The following FEZ1 variants were observed in gnomAD, a reference collection of about 807,000 sequenced individuals.
The protein encoded by FEZ1 is fasciculation and elongation protein zeta-1.
A neutral mutation model predicts 49.3 loss-of-function variants in FEZ1; 20 were observed. That is an observed-to-expected ratio of 0.41 (90% CI 0.29 to 0.59). The LOEUF (loss-of-function observed/expected upper bound fraction) is 0.59. Among genes scored for constraint, FEZ1 ranks in the 20% least tolerant of loss-of-function variants. The probability of loss-of-function intolerance (pLI) is 0.36; values close to 1 mark genes in which losing one functional copy is unlikely to be tolerated. For synonymous variants in FEZ1, 170 were observed against 180.9 expected (o/e 0.94, Z 0.48); for missense variants, 413 against 476.0 (o/e 0.87, Z 1.23).
At chr11:125,475,129 G>A (rs1445097956) in intron 3 of FEZ1, among the ~76,000 whole-genome samples, 1 of 151,928 alleles carries the variant, frequency 6.6e-6, no homozygotes, top group Non-Finnish European at 1.5e-5. Flanking sequence ...AATTAGCTGG[G>A]TGTGGAGGTG....
chr11:125,462,516 G>A (rs1957085783), intron 4 of FEZ1, among the ~76,000 whole-genome samples: 1 of 152,170 alleles, frequency 6.6e-6, no homozygotes, highest in South Asian at 2.1e-4. Flanking sequence ...CCTTGTTTGA[G>A]TGTCTTGACT....
In FEZ1 at chr11:125,495,934, G is replaced by A. The variant is rs902722766; in HGVS notation, c.-46+187C>T. 3 of 252,312 alleles carry A rather than the reference G, an allele frequency of 1.2e-5. No individual in the cohort carries two copies. The Admixed American group carries it at 1.7e-4, about 14-fold the overall frequency. 15.6% of individuals were successfully genotyped at this position (252,312 alleles called of 1,614,324 possible). ...CGGCGTCCCAGCTGCGCTCCCTGAA[G>A]GGCTGGGCAGGAAGGCGACGGCCTC... On this transcript the variant is annotated intron_variant, in intron 1 of 9. Coordinates refer to ENST00000278919, the MANE Select transcript of FEZ1 (RefSeq NM_005103.5). This position sits in a 1 kb window ranked among gnomAD's most constrained non-coding sequence, Gnocchi z 4.2.
chr11:125,479,975 T>C (rs748380820), intron 3 of FEZ1, among the ~76,000 whole-genome samples: 31 of 152,096 alleles, frequency 2.0e-4, no homozygotes, highest in Admixed American at 7.2e-4. Context: ...AAAATAAATA[T>C]CATCTTTATT....
In FEZ1 at chr11:125,466,487, TA is replaced by T. The variant is rs761663543; in HGVS notation, c.412-2918del. The stretch of plus-strand genomic sequence containing the variant: ...CTGGATGACAAAGTGAGATCCTGTC[TA>T]AAAAAAAAAACACCTTGCTAGCTGT... On this transcript the variant is annotated intron_variant, in intron 3 of 9. Transcript: ENST00000278919. Among the ~76,000 whole-genome samples, 176 of 144,026 alleles carry T rather than the reference TA, an allele frequency of 1.2e-3. 1 individual carries two copies. The highest frequency in any genetic ancestry group is 1.5e-3 in the Non-Finnish European group (101 of 65,340). The allele number at this position is 144,026 out of a possible 152,430, so 94.5% of individuals were successfully genotyped here. A position where few individuals can be genotyped will look rare whatever the true frequency, so the allele number is the denominator to read the frequency against.
intron 3 of FEZ1, among the ~76,000 whole-genome samples, chr11:125,480,811 G>C (rs1325176153): frequency 6.6e-6 from 1 of 152,108 alleles, no homozygotes; most frequent in African/African-American, 2.4e-5. Context: ...AGGCCAAGGC[G>C]GGCGGATCAC....
At chr11:125,488,541 A>G (rs1245721846) in intron 2 of FEZ1, 5 of 163,666 alleles carry the variant, frequency 3.1e-5, no homozygotes, top group Non-Finnish European at 5.1e-5. Flanking sequence ...TTAGTCGGGC[A>G]TGGTGGCGCA....
intron 3 of FEZ1, among the ~76,000 whole-genome samples, chr11:125,475,494 T>C (rs1407179235): frequency 6.6e-6 from 1 of 152,116 alleles, no homozygotes; most frequent in Non-Finnish European, 1.5e-5. Flanking sequence ...GGCAACAGTT[T>C]GGTAGTTCCT....
chr11:125,482,993 A>C (rs897166651), intron 2 of FEZ1, among the ~76,000 whole-genome samples: 2 of 149,892 alleles, frequency 1.3e-5, no homozygotes, highest in Non-Finnish European at 3.0e-5. Flanking sequence ...AAAAAAAAAA[A>C]AAAAAAAAAA....
intron 2 of FEZ1, among the ~76,000 whole-genome samples, chr11:125,485,634 T>A (rs938724437): frequency 2.6e-5 from 4 of 152,200 alleles, no homozygotes; most frequent in African/African-American, 9.6e-5. Flanking sequence ...GCACTTTATG[T>A]TTAGAAAGTA....
chr11:125,475,490 A>G (rs1009977071), intron 3 of FEZ1, among the ~76,000 whole-genome samples: 18 of 152,156 alleles, frequency 1.2e-4, no homozygotes, highest in Non-Finnish European at 2.2e-4. Flanking sequence ...ACTGGGCAAC[A>G]GTTTGGTAGT....
intron 1 of FEZ1, among the ~76,000 whole-genome samples, chr11:125,492,097 CA>C (rs1200949410): frequency 6.6e-6 from 1 of 152,000 alleles, no homozygotes; most frequent in Non-Finnish European, 1.5e-5. Flanking sequence ...AAATGTAATC[CA>C]CAAAAAAACT....
Position 125,454,153 on chromosome 11 carries a change from C to G in FEZ1, c.997G>C (p.Gly333Arg), listed in dbSNP as rs372861605. 1 of 1,613,294 alleles carries G rather than the reference C, an allele frequency of 6.2e-7. No homozygotes were observed. The highest frequency in any genetic ancestry group is 1.3e-5 in the African/African-American group (1 of 74,866). The change falls in exon 7 of 10, where the codon GGC becomes CGC. Residue 333 changes from glycine to arginine, a missense_variant. By Grantham distance (125) the Gly-to-Arg change is moderately radical. Transcript: ENST00000278919. ...ACCTGTTTGTCAGTTCCTGAGGAGC[C>G]AAAGGTCTGGCGGATGCCACTCTGC... Reference protein sequence around the residue: ...ILQSGIRQTFGSSGTDKQYLN... With the variant: ...ILQSGIRQTFRSSGTDKQYLN...
intron 3 of FEZ1, among the ~76,000 whole-genome samples, chr11:125,477,035 T>C (rs1406895008): frequency 6.6e-6 from 1 of 152,202 alleles, no homozygotes; most frequent in African/African-American, 2.4e-5. Flanking sequence ...AGCAGAAAGA[T>C]GAAAGGTACT....
At chr11:125,472,998 C>G (rs7103665) in intron 3 of FEZ1, among the ~76,000 whole-genome samples, 1 of 151,468 alleles carries the variant, frequency 6.6e-6, no homozygotes, top group South Asian at 2.1e-4. Context: ...CTGCTGATTC[C>G]AAGATTTATA....
intron 9 of FEZ1, among the ~76,000 whole-genome samples, chr11:125,446,558 ATCC>A: frequency 6.6e-6 from 1 of 152,328 alleles, no homozygotes; most frequent in East Asian, 1.9e-4. Flanking sequence ...TGTTTCTATA[ATCC>A]TCCTTTGAGA....
At position 125,443,481 on chromosome 11, in the gene FEZ1, G is replaced by A. The variant is rs1026964348; in HGVS notation, c.*2614C>T. On this transcript the variant is annotated 3_prime_UTR_variant, in exon 10 of 10. Coordinates refer to ENST00000278919, the MANE Select transcript of FEZ1 (RefSeq NM_005103.5). ...GTTGCAGGGAGATTTAGCTTAATAC[G>A]TAGTAGAGCTGCATTTGAACTCAAG... 2.6e-5 allele frequency among the ~76,000 whole-genome samples: 4 copies of A among 152,176 alleles called. No homozygotes were observed. Among genetic ancestry groups the A allele is most frequent in the Admixed American group, 1.3e-4 (2 of 15,278 alleles).
intron 8 of FEZ1, among the ~76,000 whole-genome samples, chr11:125,449,624 G>A (rs2135736235): frequency 6.6e-6 from 1 of 152,068 alleles, no homozygotes; most frequent in Admixed American, 6.5e-5. Context: ...AAGACAATAG[G>A]GGATGTTCTT....
intron 2 of FEZ1, among the ~76,000 whole-genome samples, chr11:125,484,076 A>C (rs1957306907): frequency 6.6e-6 from 1 of 152,168 alleles, no homozygotes; most frequent in Admixed American, 6.6e-5. Flanking sequence ...GAAGTTTATA[A>C]ACAAGCTTTA....
chr11:125,450,090 C>T (rs56368851), intron 8 of FEZ1, among the ~76,000 whole-genome samples: 18,976 of 150,168 alleles, frequency 0.13, 1,408 homozygotes, highest in East Asian at 0.28. Flanking sequence ...TGCAGTGGTG[C>T]GATCTCAGCT....
Sources: gnomAD v4.1 joint callset for allele counts (sites outside exome capture counted in the v4.1 genomes callset) on GRCh38, gnomAD v4.1.1 for gene constraint, Gnocchi (gnomAD v3.1) non-coding constraint, MANE v1.5 for transcripts, NCBI Gene and HGNC (gene_info 2026-07-23, HGNC 2026-07-21) for gene names.